The following WDR41 variants were observed in gnomAD, a reference collection of about 807,000 sequenced individuals.
The protein encoded by WDR41 is WD repeat-containing protein 41.
WDR41 carries 63 observed loss-of-function variants against 69.3 expected under a neutral mutation model. That is an observed-to-expected ratio of 0.91 (90% CI 0.74 to 1.12). The LOEUF (loss-of-function observed/expected upper bound fraction) is 1.12. Among genes scored for constraint, WDR41 ranks in the 50% most tolerant of loss-of-function variants. The pLI is 0.00. For synonymous variants in WDR41, 185 were observed against 192.1 expected, an observed-to-expected ratio of 0.96 and a Z score of 0.31; for missense variants, 543 against 534.5, an observed-to-expected ratio of 1.02 and a Z score of -0.16.
chr5:77,616,149 G>A (rs1333583662), intron 1 of WDR41, among the ~76,000 whole-genome samples: 1 of 151,278 alleles, frequency 6.6e-6, no homozygotes, highest in African/African-American at 2.4e-5. Flanking sequence ...GGGGAAATTG[G>A]GGTGGGATAG....
chr5:77,556,160 G>A (rs1362681999), intron 1 of WDR41, among the ~76,000 whole-genome samples: 1 of 133,686 alleles, frequency 7.5e-6, no homozygotes, highest in Non-Finnish European at 1.5e-5. Context: ...CTGAAGTGCA[G>A]TGGTGCGATC....
At chr5:77,567,526 G>A (rs1438472243) in intron 1 of WDR41, among the ~76,000 whole-genome samples, 1 of 151,886 alleles carries the variant, frequency 6.6e-6, no homozygotes. Flanking sequence ...CAACATTACA[G>A]GGTTAGTGCA....
chr5:77,480,963 G>T (rs568092997), intron 2 of WDR41, among the ~76,000 whole-genome samples: 9 of 151,868 alleles, frequency 5.9e-5, no homozygotes, highest in Middle Eastern at 3.5e-3. Context: ...GTCTCTCTCT[G>T]CCCCACTTGC....
At position 77,475,701 on chromosome 5, in the gene WDR41, C is replaced by T. The variant is rs186266782; in HGVS notation, c.168-10892G>A. Among the ~76,000 whole-genome samples, 210 of 152,240 alleles carry T rather than the reference C, an allele frequency of 1.4e-3. 2 individuals carry two copies. The highest frequency in any genetic ancestry group is 0.013 in the Admixed American group (196 of 15,290). ...ACCATCATCAAAGACCAAAACTAGA[C>T]AAAACCACAAAGATGGGGAAAAAAC... On this transcript the variant is annotated intron_variant, in intron 2 of 12. Coordinates refer to ENST00000296679, the MANE Select transcript of WDR41 (RefSeq NM_018268.4).
intron 4 of WDR41, among the ~76,000 whole-genome samples, chr5:77,460,497 T>C (rs777305035): frequency 8.5e-5 from 13 of 152,158 alleles, no homozygotes; most frequent in African/African-American, 1.2e-4. Context: ...CTCCTAAGGC[T>C]ATCGCTTTAA....
intron 1 of WDR41, chr5:77,582,577 G>A (rs1228500701): frequency 3.1e-6 from 5 of 1,599,962 alleles, no homozygotes; most frequent in Non-Finnish European, 3.4e-6. Flanking sequence ...GTACAGAACT[G>A]AAATTCGAGT....
chr5:77,583,044 G>C (rs1227713228), intron 1 of WDR41: 1 of 1,597,240 alleles, frequency 6.3e-7, no homozygotes, highest in Admixed American at 1.7e-5. Flanking sequence ...TGAAGAAAAA[G>C]ACCACCCATT....
In WDR41 at chr5:77,451,344, G is replaced by A; in HGVS notation, c.533C>T (p.Ala178Val). The stretch of plus-strand genomic sequence containing the variant: ...ACAGTTCTTAGGTATTTCAACCAAA[G>A]CACTAATACCTCCAAAAACATATAA... ...TSHLSDTGISALVEIPKNCVV... is the reference protein window; with the variant it reads ...TSHLSDTGISVLVEIPKNCVV... Residue 178 changes from alanine to valine, a missense_variant, in exon 7 of 13, where the codon GCT becomes GTT. Transcript: ENST00000296679. 6 of 1,613,446 alleles carry A rather than the reference G, an allele frequency of 3.7e-6. No individual in the cohort carries two copies. Among genetic ancestry groups the A allele is most frequent in the Non-Finnish European group, 5.1e-6 (6 of 1,179,600 alleles).
rs193126025 is a variant in WDR41 at position 77,506,443 on chromosome 5, T to G, written c.43-16871A>C. 2.8e-3 allele frequency among the ~76,000 whole-genome samples: 423 copies of G among 152,092 alleles called. 4 individuals are homozygous for G. The highest frequency in any genetic ancestry group is 1.0e-2 in the African/African-American group (413 of 41,460). On this transcript the variant is annotated intron_variant, in intron 1 of 5. Transcript: ENST00000509971. ...AATGATTTTACACTGTTGGTGGGAG[T>G]GTAAATTAGTTCAACCATTGTGGAA...
intron 1 of WDR41, among the ~76,000 whole-genome samples, chr5:77,503,607 A>G (rs1406237257): frequency 3.3e-5 from 5 of 152,204 alleles, no homozygotes; most frequent in African/African-American, 1.2e-4. Context: ...TTATTCTAAA[A>G]TTGACCACAT....
At chr5:77,546,893 A>G (rs975546750) in intron 1 of WDR41, among the ~76,000 whole-genome samples, 7 of 152,122 alleles carry the variant, frequency 4.6e-5, no homozygotes, top group Admixed American at 3.9e-4. Flanking sequence ...AGCTAACCGA[A>G]TCCAACAAAA....
chr5:77,437,312 A>T (rs1561725222), intron 11 of WDR41, 24 bp downstream of exon 11: 1 of 1,598,260 alleles, frequency 6.3e-7, no homozygotes, highest in Middle Eastern at 1.7e-4. Flanking sequence ...GAAAAAGACT[A>T]CCTTTTTGAG....
At position 77,438,275 on chromosome 5, in the gene WDR41, G is replaced by C; in HGVS notation, c.969C>G (p.Asp323Glu). 1 of 1,614,086 alleles carries C rather than the reference G, an allele frequency of 6.2e-7. No homozygotes were observed. Among genetic ancestry groups the C allele is most frequent in the Non-Finnish European group, 8.5e-7 (1 of 1,179,924 alleles). The change falls in exon 10 of 13, where the codon GAC (aspartate) becomes GAG (glutamate). Residue 323 changes from aspartate (D) to glutamate (E), a missense_variant. Physicochemically the swap from Asp to Glu is conservative, Grantham distance 45. Coordinates refer to ENST00000296679, the MANE Select transcript of WDR41 (RefSeq NM_018268.4). ...RVIACQKTAH[D>E]SNVLHVARLP... ...GTCTGGCAACGTGCAGGACATTGGA[G>C]TCATGTGCAGTTTTCTGGCAGGCAA...
chr5:77,529,499 C>A (rs1023414957), intron 1 of WDR41, among the ~76,000 whole-genome samples: 1 of 151,572 alleles, frequency 6.6e-6, no homozygotes, highest in Non-Finnish European at 1.5e-5. Flanking sequence ...CCCAAATTTT[C>A]TTAAAACTTT....
chr5:77,523,749 T>C (rs901682406), intron 1 of WDR41, among the ~76,000 whole-genome samples: 3 of 152,178 alleles, frequency 2.0e-5, no homozygotes, highest in Non-Finnish European at 4.4e-5. Context: ...AAAGAAAAAG[T>C]GACTATAAAG....
At chr5:77,609,366 C>CCCCT (rs1744494252) in intron 1 of WDR41, among the ~76,000 whole-genome samples, 1 of 151,920 alleles carries the variant, frequency 6.6e-6, no homozygotes, top group Non-Finnish European at 1.5e-5. Context: ...AGTGGGTCCC[C>CCCCT]GACCCCTGAC....
At chr5:77,505,973 A>G (rs1007661300) in intron 1 of WDR41, among the ~76,000 whole-genome samples, 1 of 152,212 alleles carries the variant, frequency 6.6e-6, no homozygotes, top group Non-Finnish European at 1.5e-5. Context: ...GGACATAGGC[A>G]TGGGCAAGGA....
intron 1 of WDR41, among the ~76,000 whole-genome samples, chr5:77,567,272 TTATTA>T (rs1393842576): frequency 6.6e-6 from 1 of 152,184 alleles, no homozygotes; most frequent in African/African-American, 2.4e-5. Flanking sequence ...AATGGAGCTT[TTATTA>T]TATTAGCTAA....
chr5:77,536,157 G>A (rs1009399132), intron 1 of WDR41, among the ~76,000 whole-genome samples: 3 of 152,058 alleles, frequency 2.0e-5, no homozygotes, highest in African/African-American at 7.2e-5. Context: ...CTCGTCTGAG[G>A]AGAATTATAT....
Sources: gnomAD v4.1 joint callset for allele counts (sites outside exome capture counted in the v4.1 genomes callset) on GRCh38, gnomAD v4.1.1 for gene constraint, MANE v1.5 for transcripts, NCBI Gene and HGNC (gene_info 2026-07-23, HGNC 2026-07-21) for gene names.